The following MYO5A variants were observed in gnomAD, a reference collection of about 807,000 sequenced individuals.
MYO5A encodes myosin VA.
MYO5A carries 98 observed loss-of-function variants against 249.7 expected under a neutral mutation model. The ratio of observed to expected loss-of-function variants is 0.39; its 90% CI spans 0.33 to 0.46. The LOEUF (loss-of-function observed/expected upper bound fraction) is 0.46. MYO5A is among the 20% of genes least tolerant of loss of function. The pLI, the probability that MYO5A is intolerant of heterozygous loss-of-function variation, is 0.98. For synonymous variants in MYO5A, 778 were observed against 810.6 expected, an observed-to-expected ratio of 0.96 and a Z score of 0.68; for missense variants, 1,696 against 2,308.8, an observed-to-expected ratio of 0.73 and a Z score of 5.44.
chr15:52,314,323 T>C (rs1333845332), intron 40 of MYO5A, 120 bp from the exon 41 acceptor site: 13 of 756,314 alleles, frequency 1.7e-5, no homozygotes, highest in Admixed American at 8.1e-5. Context: ...AGGGGTGGGC[T>C]GGGACCAGAA....
At chr15:52,428,225 T>A (rs1292413539) in intron 3 of MYO5A, among the ~76,000 whole-genome samples, 173 bp downstream of exon 3, 1 of 152,178 alleles carries the variant, frequency 6.6e-6, no homozygotes, top group Non-Finnish European at 1.5e-5. Context: ...AGGTCACAAA[T>A]GAGTTTATTC....
In MYO5A at chr15:52,424,032, A is replaced by AT. The variant is rs1244074141; in HGVS notation, c.455+1797dup. Among the ~76,000 whole-genome samples, 16 of 152,246 alleles carry AT rather than the reference A, an allele frequency of 1.1e-4. No individual in the cohort carries two copies. The East Asian group carries it at 2.3e-3, about 22-fold the overall frequency. On this transcript the variant is annotated intron_variant, in intron 4 of 41. Transcript: ENST00000399233. ...TTTTTAGAGTCTAGCCACCCATGTG[A>AT]TTTTTTCTCTGCCCAGTAGTTCTCA...
chr15:52,469,605 G>A (rs144302874), intron 1 of MYO5A, among the ~76,000 whole-genome samples: 115 of 152,210 alleles, frequency 7.6e-4, no homozygotes, highest in African/African-American at 2.6e-3. Context: ...ACAGAAATAC[G>A]TCATAATTTC....
At position 52,428,408 on chromosome 15, in the gene MYO5A, A is replaced by G. The variant is rs777419461; in HGVS notation, c.300T>C (p.Tyr100=). 4.3e-6 allele frequency: 7 copies of G among 1,613,918 alleles called. No individual in the cohort carries two copies. Among genetic ancestry groups the G allele is most frequent in the Non-Finnish European group, 5.9e-6 (7 of 1,179,778 alleles). The change falls in exon 3 of 42, where the codon TAT becomes TAC. Residue 100 remains tyrosine, a synonymous_variant. Coordinates refer to ENST00000399233, the MANE Select transcript of MYO5A (RefSeq NM_001382347.1). ...RVRFIDSKLI[Y]TYCGIVLVAI... ...GCAAAGCATACTTACCACAATACGT[A>G]TAAATAAGTTTGGAATCAATAAAGC...
chr15:52,527,409 G>C (rs959187397), intron 1 of MYO5A, among the ~76,000 whole-genome samples: 3 of 152,148 alleles, frequency 2.0e-5, no homozygotes, highest in African/African-American at 7.2e-5. Flanking sequence ...GAAATTACCA[G>C]GTTGAGAGAG....
chr15:52,339,568 A>G (rs1305822265), intron 32 of MYO5A, among the ~76,000 whole-genome samples: 1 of 152,072 alleles, frequency 6.6e-6, no homozygotes, highest in Non-Finnish European at 1.5e-5. Context: ...GAAAACAGTC[A>G]GACTCCATGC....
chr15:52,361,315 A>G (rs769985724), intron 24 of MYO5A, among the ~76,000 whole-genome samples: 2 of 152,232 alleles, frequency 1.3e-5, no homozygotes, highest in Admixed American at 6.5e-5. Context: ...TGGTTGTATC[A>G]CTAAGAAAAC....
intron 1 of MYO5A, among the ~76,000 whole-genome samples, chr15:52,466,108 A>G (rs1026547517): frequency 2.0e-5 from 3 of 152,182 alleles, no homozygotes; most frequent in African/African-American, 7.2e-5. Context: ...GTGAGAAGGA[A>G]CTGCTTGAGG....
chr15:52,448,712 G>A (rs2075947833), intron 1 of MYO5A, among the ~76,000 whole-genome samples: 1 of 152,028 alleles, frequency 6.6e-6, no homozygotes, highest in Admixed American at 6.6e-5. Flanking sequence ...TGCTGTTCTT[G>A]TGATAGCGAA....
At chr15:52,461,511 C>T (rs1217541056) in intron 1 of MYO5A, among the ~76,000 whole-genome samples, 1 of 152,194 alleles carries the variant, frequency 6.6e-6, no homozygotes, top group Non-Finnish European at 1.5e-5. Context: ...AACAAAACAG[C>T]ATTTCACAAT....
At chr15:52,483,541 C>CAACAAA (rs1567168810) in intron 1 of MYO5A, among the ~76,000 whole-genome samples, 2 of 151,892 alleles carry the variant, frequency 1.3e-5, no homozygotes, top group African/African-American at 4.8e-5. Context: ...ACAACAACAA[C>CAACAAA]AAAAAACTAT....
intron 18 of MYO5A, among the ~76,000 whole-genome samples, chr15:52,378,514 T>TAAAAAAAAAAA (rs2041550952): frequency 8.6e-4 from 2 of 2,328 alleles, no homozygotes; most frequent in African/African-American, 9.3e-4. Flanking sequence ...CAAGACTGTC[T>TAAAAAAAAAAA]CAAAAAAAAA....
chr15:52,408,239 T>C, intron 6 of MYO5A, 99 bp from the exon 7 acceptor site: 1 of 710,066 alleles, frequency 1.4e-6, no homozygotes, highest in Non-Finnish European at 2.4e-6. Flanking sequence ...TCTCAGTTGG[T>C]TAAATAAATT....
chr15:52,340,257 G>T lies in MYO5A; in HGVS notation c.4178C>A (p.Pro1393Gln). 1 of 1,613,978 alleles carries T rather than the reference G, an allele frequency of 6.2e-7. No homozygotes were observed. Among genetic ancestry groups the T allele is most frequent in the Non-Finnish European group, 8.5e-7 (1 of 1,180,004 alleles). ...QLLAQNLQLPPEARIEASLQH... is the reference protein window; with the variant it reads ...QLLAQNLQLPQEARIEASLQH... Reference sequence around the variant, plus strand: ...CAGGCTGGCCTCAATGCGGGCCTCTGGGGGCAGCTGCAGGTTCTGGGCCAG... The same window carrying T: ...CAGGCTGGCCTCAATGCGGGCCTCTTGGGGCAGCTGCAGGTTCTGGGCCAG... Residue 1393 changes from proline to glutamine, a missense_variant, in exon 32 of 42, where the codon CCA becomes CAA. Coordinates refer to ENST00000399233, the MANE Select transcript of MYO5A (RefSeq NM_001382347.1).
Position 52,317,005 on chromosome 15 carries a change from T to A in MYO5A, c.5409+43A>T. 1.9e-6 allele frequency: 3 copies of A among 1,583,024 alleles called. No homozygotes were observed. The South Asian group carries it at 3.3e-5, about 17-fold the overall frequency. ...TCTTTACTTCCCTAAAGATCATCTT[T>A]GATGAATGTTAAATTATTTTGTAAC... is the stretch of plus-strand genomic sequence containing the variant. On this transcript the variant is annotated intron_variant, in intron 40 of 41. Coordinates refer to ENST00000399233, the MANE Select transcript of MYO5A (RefSeq NM_001382347.1).
rs745470705 is a variant in MYO5A at position 52,353,964 on chromosome 15, G to T, written c.3474C>A (p.Leu1158=). 55 of 1,614,092 alleles carry T rather than the reference G, an allele frequency of 3.4e-5. 1 individual carries two copies. In the South Asian group the frequency reaches 5.7e-4, roughly 17 times the overall value. The change falls in exon 26 of 42, where the codon CTC becomes CTA. Residue 1158 remains leucine, a synonymous_variant. Coordinates refer to ENST00000399233, the MANE Select transcript of MYO5A (RefSeq NM_001382347.1). ...VPLDMSLFLK[L]QKRVTELEQE... is the part of the protein sequence containing the mutation. ...GCTCCAGCTCTGTGACCCGCTTCTGGAGCTTAAGGAACAATGACATGTCCA... is the reference window on the plus strand; with the variant it reads ...GCTCCAGCTCTGTGACCCGCTTCTGTAGCTTAAGGAACAATGACATGTCCA...
chr15:52,440,784 C>T (rs2075769992), intron 1 of MYO5A, among the ~76,000 whole-genome samples: 1 of 152,180 alleles, frequency 6.6e-6, no homozygotes, highest in South Asian at 2.1e-4. Context: ...GCCCTCAAAA[C>T]CCAAAGAATT....
chr15:52,364,825 T>C (rs1366461438), intron 23 of MYO5A, 123 bp from the exon 24 acceptor site: 5 of 1,084,586 alleles, frequency 4.6e-6, no homozygotes, highest in Admixed American at 4.5e-5. Flanking sequence ...CTGTGATCCA[T>C]GAAGAGTGTC....
intron 13 of MYO5A, 85 bp downstream of exon 13, chr15:52,389,153 A>C: frequency 7.0e-7 from 1 of 1,432,782 alleles, no homozygotes; most frequent in Admixed American, 2.0e-5. Context: ...ACATCAGCAA[A>C]AGAAAAAAAA....
Sources: gnomAD v4.1 joint callset for allele counts (sites outside exome capture counted in the v4.1 genomes callset) on GRCh38, gnomAD v4.1.1 for gene constraint, MANE v1.5 for transcripts, NCBI Gene and HGNC (gene_info 2026-07-23, HGNC 2026-07-21) for gene names.